Variants in EEFSEC observed in about 807,000 individuals in gnomAD.
The protein encoded by EEFSEC is eukaryotic elongation factor, selenocysteine-tRNA specific.
EEFSEC carries 43 observed loss-of-function variants against 42.1 expected under a neutral mutation model. The ratio of observed to expected loss-of-function variants is 1.02; its 90% confidence interval spans 0.80 to 1.32. The LOEUF is 1.32. EEFSEC is among the 40% of genes most tolerant of loss of function. The pLI is 0.00. For missense variants in EEFSEC, 745 were observed against 803.6 expected (o/e 0.93, Z 0.88); for synonymous variants, 354 against 339.1 (o/e 1.04, Z -0.48).
intron 1 of EEFSEC, among the ~76,000 whole-genome samples, chr3:128,211,033 G>A (rs1341615395): frequency 1.3e-5 from 2 of 152,214 alleles, no homozygotes; most frequent in East Asian, 1.9e-4. Flanking sequence ...CTTACTGGCT[G>A]TTTAAGCCTG....
the EEFSEC span, among the ~76,000 whole-genome samples, chr3:128,423,499 A>AATAAATAC: frequency 6.6e-6 from 1 of 151,974 alleles, no homozygotes; most frequent in African/African-American, 2.4e-5. Context: ...TAAATAAATA[A>AATAAATAC]ATAAGAGGAA....
downstream of EEFSEC, among the ~76,000 whole-genome samples, chr3:128,409,715 C>G (rs1323820633): frequency 6.6e-6 from 1 of 152,188 alleles, no homozygotes; most frequent in African/African-American, 2.4e-5. Context: ...CAGGACAGCC[C>G]TCTGCCTAGG....
chr3:128,217,466 C>G (rs976368690), intron 1 of EEFSEC, among the ~76,000 whole-genome samples: 1 of 152,144 alleles, frequency 6.6e-6, no homozygotes, highest in Non-Finnish European at 1.5e-5. Flanking sequence ...ACAGGAAAGA[C>G]AGGATCCTGC....
rs139466999 is a variant in EEFSEC, at chr3:128,179,590, C to T, written c.316+25767C>T. On this transcript the variant is annotated intron_variant, in intron 1 of 6. Coordinates refer to ENST00000254730, the MANE Select transcript of EEFSEC (RefSeq NM_021937.5). ...GAGAGATGGTAGGCTGTGTTTACCT[C>T]GTTGTCCGAAGGCTGCTCAGACTTT... is the stretch of plus-strand genomic sequence containing the variant. 4.6e-5 allele frequency among the ~76,000 whole-genome samples: 7 copies of T among 152,318 alleles called. No homozygotes were observed. In the East Asian group the frequency reaches 7.7e-4, roughly 17 times the overall value.
chr3:128,167,084 G>A (rs1418479668), intron 1 of EEFSEC, among the ~76,000 whole-genome samples: 1 of 152,160 alleles, frequency 6.6e-6, no homozygotes, highest in Non-Finnish European at 1.5e-5. Flanking sequence ...CAGGTCTGTG[G>A]ACAGACAGAC....
chr3:128,423,950 G>T, the EEFSEC span, among the ~76,000 whole-genome samples: 1 of 152,232 alleles, frequency 6.6e-6, no homozygotes, highest in South Asian at 2.1e-4. Context: ...GCCTTGGTGG[G>T]TAGGGAACAG....
At chr3:128,210,820 G>C (rs1375390017) in intron 1 of EEFSEC, among the ~76,000 whole-genome samples, 1 of 152,218 alleles carries the variant, frequency 6.6e-6, no homozygotes, top group African/African-American at 2.4e-5. Context: ...CTGCAGAAGA[G>C]CTCCTTCTGT....
intron 4 of EEFSEC, among the ~76,000 whole-genome samples, chr3:128,269,995 G>T (rs567923219): frequency 1.9e-4 from 29 of 152,316 alleles, no homozygotes; most frequent in Non-Finnish European, 8.8e-5. Context: ...ACTCAAGGCA[G>T]GCATGTACCA....
At chr3:128,183,182 A>G (rs2065429810) in intron 1 of EEFSEC, among the ~76,000 whole-genome samples, 1 of 152,208 alleles carries the variant, frequency 6.6e-6, no homozygotes, top group African/African-American at 2.4e-5. Context: ...CATAGAATAA[A>G]TATTACTGCT....
chr3:128,290,167 T>C (rs1226433197), intron 4 of EEFSEC, among the ~76,000 whole-genome samples: 1 of 152,222 alleles, frequency 6.6e-6, no homozygotes. Context: ...TATCCCAGAA[T>C]TGTGAAGATA....
chr3:128,200,746 C>G (rs1559865921), intron 1 of EEFSEC, among the ~76,000 whole-genome samples: 1 of 152,176 alleles, frequency 6.6e-6, no homozygotes, highest in African/African-American at 2.4e-5. Flanking sequence ...GCAGAACAAT[C>G]GTGAGACTGT....
Position 128,262,212 on chromosome 3 carries a change from A to G in EEFSEC, c.609A>G (p.Pro203=), listed in dbSNP as rs760030862. 2.5e-6 allele frequency: 4 copies of G among 1,613,952 alleles called. No homozygotes were observed. In the African/African-American group the frequency reaches 5.3e-5, roughly 22 times the overall value. ...AAACTGAAGCTCCACAGGGCATTCCAGAGCTCATTGAGGTACTGTCATCTT... is the reference window on the plus strand; with the variant it reads ...AAACTGAAGCTCCACAGGGCATTCCGGAGCTCATTGAGGTACTGTCATCTT... ...APETEAPQGI[P]ELIELLTSQI... is the part of the protein sequence containing the mutation. Residue 203 remains proline (P), a synonymous_variant, in exon 3 of 7, where the codon CCA becomes CCG. Coordinates refer to ENST00000254730, the MANE Select transcript of EEFSEC (RefSeq NM_021937.5).
intron 1 of EEFSEC, among the ~76,000 whole-genome samples, chr3:128,210,080 C>T (rs1278988569): frequency 6.6e-6 from 1 of 152,136 alleles, no homozygotes; most frequent in Non-Finnish European, 1.5e-5. Context: ...AGACTGGAGG[C>T]AGGAAATCCA....
chr3:128,266,789 T>G (rs1245936128), intron 4 of EEFSEC, among the ~76,000 whole-genome samples: 5 of 151,920 alleles, frequency 3.3e-5, no homozygotes, highest in African/African-American at 1.2e-4. Context: ...TTGAATAAAA[T>G]CTAGTTTAAG....
intron 1 of EEFSEC, among the ~76,000 whole-genome samples, chr3:128,183,778 T>G (rs764119928): frequency 3.9e-5 from 6 of 152,236 alleles, no homozygotes; most frequent in Non-Finnish European, 5.9e-5. Flanking sequence ...ACTGGAGAGA[T>G]ATTCGAGAAT....
At chr3:128,421,340 G>A in the EEFSEC span, among the ~76,000 whole-genome samples, 1 of 152,212 alleles carries the variant, frequency 6.6e-6, no homozygotes, top group Non-Finnish European at 1.5e-5. Flanking sequence ...GCGTGAACGA[G>A]GGGGTCAGGT....
At chr3:128,197,528 C>T (rs924370825) in intron 1 of EEFSEC, among the ~76,000 whole-genome samples, 2 of 152,162 alleles carry the variant, frequency 1.3e-5, no homozygotes, top group East Asian at 1.9e-4. Flanking sequence ...CCATCTTGGC[C>T]ACCTAAAGTG....
intron 1 of EEFSEC, among the ~76,000 whole-genome samples, chr3:128,239,580 C>T (rs2066049209): frequency 1.3e-5 from 2 of 152,182 alleles, no homozygotes; most frequent in Non-Finnish European, 2.9e-5. Flanking sequence ...CACCCCGTTC[C>T]TCCTGCCCAC....
At chr3:128,220,601 G>A (rs2955131) in intron 1 of EEFSEC, among the ~76,000 whole-genome samples, 19,554 of 152,152 alleles carry the variant, frequency 0.13, 1,516 homozygotes, top group Admixed American at 0.2. Context: ...GAAGCCTCCT[G>A]TGCCAGTCCC....
Sources: gnomAD v4.1 joint callset for allele counts (sites outside exome capture counted in the v4.1 genomes callset) on GRCh38, gnomAD v4.1.1 for gene constraint, MANE v1.5 for transcripts, NCBI Gene and HGNC (gene_info 2026-07-23, HGNC 2026-07-21) for gene names.